Variants in NOS1AP observed in about 807,000 individuals in gnomAD.
The protein encoded by NOS1AP is carboxyl-terminal PDZ ligand of neuronal nitric oxide synthase protein.
In NOS1AP, 21 loss-of-function variants were observed where a neutral mutation model predicts 56.2. The ratio of observed to expected loss-of-function variants is 0.37; its 90% confidence interval spans 0.26 to 0.54. The LOEUF (loss-of-function observed/expected upper bound fraction) is 0.54. NOS1AP is among the 20% of genes least tolerant of loss of function. NOS1AP has a pLI of 0.84. For synonymous variants in NOS1AP, 270 were observed against 274.6 expected (o/e 0.98, Z 0.17); for missense variants, 522 against 657.8 (o/e 0.79, Z 2.26).
chr1:162,295,675 T>C (rs368973268), intron 3 of NOS1AP, among the ~76,000 whole-genome samples: 4 of 152,216 alleles, frequency 2.6e-5, no homozygotes, highest in East Asian at 1.9e-4. Context: ...AAGAATCAAA[T>C]TGTTCTTGAA....
chr1:162,235,833 A>G lies in NOS1AP; in HGVS notation c.178-51511A>G, dbSNP rs188274948. Among the ~76,000 whole-genome samples, 340 of 152,326 alleles carry G rather than the reference A, an allele frequency of 2.2e-3. 5 individuals are homozygous for G. Among genetic ancestry groups the G allele is most frequent in the South Asian group, 0.019 (92 of 4,826 alleles). ...ATGAATATGTTTCATGCTCACATAC[A>G]TGCATCCATGTGTTTAGATCATTTG... is the stretch of plus-strand genomic sequence containing the variant. On this transcript the variant is annotated intron_variant, in intron 2 of 9. Coordinates refer to ENST00000361897, the MANE Select transcript of NOS1AP (RefSeq NM_014697.3).
intron 4 of NOS1AP, among the ~76,000 whole-genome samples, chr1:162,326,264 C>A (rs1236677750): frequency 6.6e-6 from 1 of 152,042 alleles, no homozygotes; most frequent in Admixed American, 6.6e-5. Flanking sequence ...GAGCAGGAGG[C>A]GAGGAACATG....
At chr1:162,190,803 T>C (rs936862998) in intron 2 of NOS1AP, among the ~76,000 whole-genome samples, 1 of 152,144 alleles carries the variant, frequency 6.6e-6, no homozygotes, top group Non-Finnish European at 1.5e-5. Context: ...TGTTCTGCTT[T>C]TTACTTTTAT....
intron 2 of NOS1AP, among the ~76,000 whole-genome samples, chr1:162,246,451 T>C (rs1179263846): frequency 6.6e-6 from 1 of 152,202 alleles, no homozygotes; most frequent in Non-Finnish European, 1.5e-5. Flanking sequence ...GTGTTCCTCC[T>C]AAATGTCTTA....
chr1:162,139,607 T>C (rs7534045), intron 1 of NOS1AP, among the ~76,000 whole-genome samples: 105,625 of 152,052 alleles, frequency 0.69, 37,119 homozygotes, highest in Non-Finnish European at 0.73. Context: ...GAATAACCCT[T>C]TGTAGGAAGA....
At chr1:162,197,748 C>T (rs916619615) in intron 2 of NOS1AP, among the ~76,000 whole-genome samples, 5 of 152,212 alleles carry the variant, frequency 3.3e-5, no homozygotes, top group Non-Finnish European at 7.3e-5. Context: ...TTTCCACCAC[C>T]AGGGGCCAAC....
intron 2 of NOS1AP, among the ~76,000 whole-genome samples, chr1:162,173,089 C>T (rs1650878988): frequency 6.6e-6 from 1 of 152,120 alleles, no homozygotes; most frequent in South Asian, 2.1e-4. Context: ...CTACCATGCC[C>T]AGCTAATTTT....
intron 1 of NOS1AP, among the ~76,000 whole-genome samples, chr1:162,096,374 A>G (rs1459896070): frequency 6.6e-6 from 1 of 152,214 alleles, no homozygotes; most frequent in East Asian, 1.9e-4. Context: ...TAACTTTACC[A>G]GTTGAACCAC....
intron 2 of NOS1AP, among the ~76,000 whole-genome samples, chr1:162,200,891 A>G (rs1323277165): frequency 6.6e-6 from 1 of 152,214 alleles, no homozygotes; most frequent in Non-Finnish European, 1.5e-5. Flanking sequence ...ACTGTGATGA[A>G]TTTAGAGCAG....
intron 2 of NOS1AP, among the ~76,000 whole-genome samples, chr1:162,227,264 G>A (rs576550289): frequency 2.3e-4 from 35 of 152,248 alleles, no homozygotes; most frequent in Non-Finnish European, 4.1e-4. Flanking sequence ...AGCATTTTTA[G>A]TATTTAAGAG....
intron 4 of NOS1AP, among the ~76,000 whole-genome samples, chr1:162,330,245 T>C (rs548281834): frequency 2.0e-5 from 3 of 152,214 alleles, no homozygotes; most frequent in Non-Finnish European, 4.4e-5. Context: ...ACATTATAGA[T>C]GAGCATTAAT....
At chr1:162,321,909 G>A (rs567974343) in intron 4 of NOS1AP, among the ~76,000 whole-genome samples, 1 of 100,194 alleles carries the variant, frequency 1.0e-5, no homozygotes, top group African/African-American at 3.0e-5. Context: ...ACTCCAAAAG[G>A]GAAGAGGGAG....
Position 162,369,177 on chromosome 1 carries a change from A to T in NOS1AP, c.*1710A>T, listed in dbSNP as rs1302735878. On this transcript the variant is annotated 3_prime_UTR_variant, in exon 10 of 10. Coordinates refer to ENST00000361897, the MANE Select transcript of NOS1AP (RefSeq NM_014697.3). ...TGTAACCAGACGGAAAAGAACGAGG[A>T]TCTCCAGGGTGTTTGAATCAGCAAC... 3 of 152,112 alleles carry T rather than the reference A, an allele frequency of 2.0e-5. No homozygotes were observed. Among genetic ancestry groups the T allele is most frequent in the African/African-American group, 4.8e-5 (2 of 41,402 alleles). The allele number at this position is 152,112 out of a possible 1,614,324, so 9.4% of individuals were successfully genotyped here. A position where few individuals can be genotyped will look rare whatever the true frequency, so the allele number is the denominator to read the frequency against.
intron 2 of NOS1AP, among the ~76,000 whole-genome samples, chr1:162,183,316 G>A (rs1651324620): frequency 6.6e-6 from 1 of 152,232 alleles, no homozygotes; most frequent in African/African-American, 2.4e-5. Flanking sequence ...GGGCTGTCAT[G>A]CCGTCTTTGT....
chr1:162,218,551 T>C (rs1328604787), intron 2 of NOS1AP, among the ~76,000 whole-genome samples: 1 of 152,200 alleles, frequency 6.6e-6, no homozygotes, highest in Admixed American at 6.5e-5. Flanking sequence ...GTCATTTGTC[T>C]GTGGATGTTG....
intron 2 of NOS1AP, among the ~76,000 whole-genome samples, chr1:162,269,848 T>C (rs1250885088): frequency 6.6e-6 from 1 of 150,678 alleles, no homozygotes. Context: ...CTAAAAGTTG[T>C]TAAGTTCTTA....
At chr1:162,311,029 C>G (rs935334023) in intron 4 of NOS1AP, among the ~76,000 whole-genome samples, 7 of 152,028 alleles carry the variant, frequency 4.6e-5, no homozygotes, top group Non-Finnish European at 1.0e-4. Context: ...CTTTTTTTAA[C>G]CCTGCTAACA....
chr1:162,094,090 G>A (rs1304271978), intron 1 of NOS1AP, among the ~76,000 whole-genome samples: 1 of 152,192 alleles, frequency 6.6e-6, no homozygotes, highest in Admixed American at 6.5e-5. Flanking sequence ...ATTTATCAGT[G>A]TGCATATTGT....
chr1:162,361,870 A>T (rs1383844925), intron 8 of NOS1AP, among the ~76,000 whole-genome samples: 2 of 152,158 alleles, frequency 1.3e-5, no homozygotes, highest in Non-Finnish European at 2.9e-5. Flanking sequence ...CTTTTCCTTC[A>T]CCCTCAATTC....
Sources: gnomAD v4.1 joint callset for allele counts (sites outside exome capture counted in the v4.1 genomes callset) on GRCh38, gnomAD v4.1.1 for gene constraint, MANE v1.5 for transcripts, NCBI Gene and HGNC (gene_info 2026-07-23, HGNC 2026-07-21) for gene names.